SCN11A: variants seen among roughly 807,000 people sequenced by gnomAD.
SCN11A encodes sodium voltage-gated channel alpha subunit 11.
SCN11A carries 122 observed loss-of-function variants against 162.2 expected under a neutral mutation model. The observed-to-expected ratio is 0.75, with a 90% CI of 0.65 to 0.87. The LOEUF is 0.87. SCN11A is among the 40% of genes least tolerant of loss of function. SCN11A has a pLI of 0.00. For synonymous variants in SCN11A, 758 were observed against 751.5 expected (o/e 1.01, Z -0.14); for missense variants, 2,015 against 2,181.6 (o/e 0.92, Z 1.52).
At chr3:38,970,271 A>G (rs924191359) in intron 2 of SCN11A, among the ~76,000 whole-genome samples, 1 of 152,142 alleles carries the variant, frequency 6.6e-6, no homozygotes, top group African/African-American at 2.4e-5. Flanking sequence ...AGATTTCAAT[A>G]CTGTTTCCAA....
At chr3:39,046,437 T>C (rs1019260313) in intron 1 of SCN11A, among the ~76,000 whole-genome samples, 2 of 152,238 alleles carry the variant, frequency 1.3e-5, no homozygotes, top group African/African-American at 4.8e-5. Flanking sequence ...ATGACCAAAC[T>C]ACCCAAAGTG....
At chr3:38,887,456 G>A (rs540895708) in intron 19 of SCN11A, among the ~76,000 whole-genome samples, 134 of 120,262 alleles carry the variant, frequency 1.1e-3, no homozygotes, top group Non-Finnish European at 1.9e-3. Flanking sequence ...GGAGGGGGGA[G>A]GGATAGCATT....
chr3:38,994,823 C>A (rs2030564894), intron 2 of SCN11A, among the ~76,000 whole-genome samples: 1 of 152,148 alleles, frequency 6.6e-6, no homozygotes, highest in Admixed American at 6.5e-5. Context: ...ACTCACAGGG[C>A]TCTGGGGGAG....
intron 7 of SCN11A, among the ~76,000 whole-genome samples, chr3:38,938,168 G>A (rs898028093): frequency 2.0e-5 from 3 of 151,950 alleles, no homozygotes; most frequent in African/African-American, 4.8e-5. Flanking sequence ...CTCATAGGTG[G>A]GAATTGAACA....
At chr3:38,952,336 G>C (rs1256323539) in intron 4 of SCN11A, among the ~76,000 whole-genome samples, 1 of 152,176 alleles carries the variant, frequency 6.6e-6, no homozygotes, top group African/African-American at 2.4e-5. Context: ...AGAAGCAGTA[G>C]TATTCAGGTT....
chr3:38,982,686 A>G (rs2030099248), intron 2 of SCN11A, among the ~76,000 whole-genome samples: 1 of 152,208 alleles, frequency 6.6e-6, no homozygotes, highest in African/African-American at 2.4e-5. Flanking sequence ...GAAGCAGCAT[A>G]TAGTTAGTTA....
intron 28 of SCN11A, among the ~76,000 whole-genome samples, chr3:38,859,241 G>A (rs553413763): frequency 8.5e-5 from 13 of 152,052 alleles, no homozygotes; most frequent in African/African-American, 3.1e-4. Flanking sequence ...CAAAAAGCTG[G>A]TTATTTGGAA....
At chr3:38,928,593 A>G (rs1452489059) in intron 7 of SCN11A, among the ~76,000 whole-genome samples, 2 of 152,216 alleles carry the variant, frequency 1.3e-5, no homozygotes, top group Non-Finnish European at 2.9e-5. Flanking sequence ...ACAATAAAAA[A>G]TTAAATGACC....
At chr3:38,961,614 C>T (rs959436083) in intron 2 of SCN11A, among the ~76,000 whole-genome samples, 1 of 152,224 alleles carries the variant, frequency 6.6e-6, no homozygotes, top group African/African-American at 2.4e-5. Flanking sequence ...GCACTTTTTA[C>T]ATAAATGCAA....
At position 38,845,819 on chromosome 3, in the gene SCN11A, G is replaced by C. The variant is rs919582218; in HGVS notation, c.*875C>G. On this transcript the variant is annotated 3_prime_UTR_variant, in exon 30 of 30. Transcript: ENST00000302328. Reference sequence around the variant, plus strand: ...AATTTATATATATATATATATCTGAGATGGTAGCTTGTGAAAGGGTAGTAA... The same window carrying C: ...AATTTATATATATATATATATCTGACATGGTAGCTTGTGAAAGGGTAGTAA... 2.0e-5 allele frequency: 3 copies of C among 151,974 alleles called. No homozygotes were observed. Among genetic ancestry groups the C allele is most frequent in the Non-Finnish European group, 2.9e-5 (2 of 68,026 alleles). 9.4% of individuals were successfully genotyped at this position (151,974 alleles called of 1,614,324 possible).
intron 2 of SCN11A, among the ~76,000 whole-genome samples, chr3:38,989,440 G>A (rs1340679045): frequency 6.6e-6 from 1 of 152,230 alleles, no homozygotes; most frequent in Non-Finnish European, 1.5e-5. Context: ...TGCAACAGTA[G>A]TAAGCTGGAA....
intron 1 of SCN11A, among the ~76,000 whole-genome samples, chr3:39,045,964 T>C (rs1333190792): frequency 1.3e-5 from 2 of 152,154 alleles, no homozygotes; most frequent in African/African-American, 4.8e-5. Flanking sequence ...AAAATCAATA[T>C]ACAAAACAGT....
intron 2 of SCN11A, among the ~76,000 whole-genome samples, chr3:39,023,114 A>T (rs1401357285): frequency 1.3e-5 from 2 of 152,202 alleles, no homozygotes; most frequent in Non-Finnish European, 2.9e-5. Flanking sequence ...ACTGGAAGAA[A>T]TGTTTATAGA....
intron 2 of SCN11A, among the ~76,000 whole-genome samples, chr3:38,969,127 AAGGCAGGC>A: frequency 6.6e-6 from 1 of 151,938 alleles, no homozygotes; most frequent in South Asian, 2.1e-4. Context: ...GGGAAGGAAC[AAGGCAGGC>A]AGGCAGGCAG....
chr3:39,023,078 G>A (rs183229980), intron 2 of SCN11A, among the ~76,000 whole-genome samples: 1 of 151,988 alleles, frequency 6.6e-6, no homozygotes, highest in African/African-American at 2.4e-5. Flanking sequence ...CTTTTTAAAA[G>A]GAGTCCTTAC....
chr3:38,995,797 TTGTC>T (rs1486197938), intron 2 of SCN11A, among the ~76,000 whole-genome samples: 1 of 108,508 alleles, frequency 9.2e-6, no homozygotes, highest in Admixed American at 8.1e-5. Context: ...TCACAATAAA[TTGTC>T]TATCTATCTA....
chr3:38,866,958 A>C (rs1027627785), intron 27 of SCN11A, among the ~76,000 whole-genome samples: 3 of 152,186 alleles, frequency 2.0e-5, no homozygotes, highest in African/African-American at 7.2e-5. Context: ...TGGATAATAA[A>C]GTGCATTTGA....
intron 19 of SCN11A, among the ~76,000 whole-genome samples, chr3:38,891,491 C>T (rs1308676879): frequency 6.6e-6 from 1 of 151,946 alleles, no homozygotes; most frequent in African/African-American, 2.4e-5. Flanking sequence ...CTGAAGACTC[C>T]TCAAAATTGA....
At chr3:39,007,177 G>A (rs759428845) in intron 2 of SCN11A, among the ~76,000 whole-genome samples, 1 of 152,068 alleles carries the variant, frequency 6.6e-6, no homozygotes, top group Non-Finnish European at 1.5e-5. Flanking sequence ...GGAAGAAAGA[G>A]AAAATACTTG....
Sources: gnomAD v4.1 joint callset for allele counts (sites outside exome capture counted in the v4.1 genomes callset) on GRCh38, gnomAD v4.1.1 for gene constraint, MANE v1.5 for transcripts, NCBI Gene and HGNC (gene_info 2026-07-23, HGNC 2026-07-21) for gene names.